The following FAT3 variants were observed in gnomAD, a reference collection of about 807,000 sequenced individuals.
FAT3 encodes protocadherin Fat 3.
Under a neutral mutation model 310.2 loss-of-function variants are expected in FAT3, and 95 were observed. The ratio of observed to expected loss-of-function variants is 0.31; its 90% CI spans 0.26 to 0.36. FAT3 has a LOEUF of 0.36. Among genes scored for constraint, FAT3 ranks in the 10% least tolerant of loss-of-function variants. The pLI is 1.00. For synonymous variants in FAT3, 2,314 were observed against 2,192.9 expected (o/e 1.06, Z -1.54); for missense variants, 5,408 against 5,715.6 (o/e 0.95, Z 1.74).
intron 1 of FAT3, among the ~76,000 whole-genome samples, chr11:92,263,918 T>A (rs180683825): frequency 6.6e-6 from 1 of 152,068 alleles, no homozygotes; most frequent in Admixed American, 6.6e-5. Context: ...GAACAACTAC[T>A]GGGTTCCAGG....
At chr11:92,301,884 A>G (rs1565211708) in intron 1 of FAT3, among the ~76,000 whole-genome samples, 1 of 152,034 alleles carries the variant, frequency 6.6e-6, no homozygotes, top group African/African-American at 2.4e-5. Flanking sequence ...CCTCTTTCCA[A>G]AGGGCTTTGA....
intron 3 of FAT3, among the ~76,000 whole-genome samples, chr11:92,690,088 T>G (rs1943755809): frequency 6.6e-6 from 1 of 152,204 alleles, no homozygotes. Flanking sequence ...CTTGTTCCCT[T>G]TGCTACCTGT....
intron 2 of FAT3, among the ~76,000 whole-genome samples, chr11:92,425,524 C>T (rs1252174094): frequency 6.6e-6 from 1 of 152,016 alleles, no homozygotes; most frequent in African/African-American, 2.4e-5. Flanking sequence ...TTTCCTAATG[C>T]TATCCCTCCC....
chr11:92,546,000 C>T (rs966894914), intron 3 of FAT3, among the ~76,000 whole-genome samples: 1 of 152,188 alleles, frequency 6.6e-6, no homozygotes, highest in Admixed American at 6.5e-5. Context: ...TCTTTCTCTA[C>T]TCCTCTCTCC....
At chr11:92,872,528 C>G (rs1949414235) in intron 22 of FAT3, among the ~76,000 whole-genome samples, 1 of 152,160 alleles carries the variant, frequency 6.6e-6, no homozygotes, top group Non-Finnish European at 1.5e-5. Context: ...CTGACTTACT[C>G]TTATATTTTT....
rs1431826744 is a variant in FAT3, at chr11:92,844,288, G to A, written c.10921G>A (p.Val3641Met). The A allele has an allele frequency of 6.2e-7, 1 of 1,613,996 alleles. No homozygotes were observed. Among genetic ancestry groups the A allele is most frequent in the South Asian group, 1.1e-5 (1 of 91,084 alleles). Reference protein sequence around the residue: ...IDVVVHVEQLVHEMLQNTVTI... With the variant: ...IDVVVHVEQLMHEMLQNTVTI... ...TGTGGTCGTGCATGTGGAGCAGTTGGTGCATGAGATGCTGCAGAACACTGT... is the reference window on the plus strand; with the variant it reads ...TGTGGTCGTGCATGTGGAGCAGTTGATGCATGAGATGCTGCAGAACACTGT... The change falls in exon 19 of 28, where the codon GTG (valine) becomes ATG (methionine). Residue 3641 changes from valine (V) to methionine (M), a missense_variant. Val to Met is a conservative substitution (Grantham distance 21, BLOSUM62 1). Coordinates refer to ENST00000525166, the MANE Select transcript of FAT3 (RefSeq NM_001367949.2).
intron 2 of FAT3, among the ~76,000 whole-genome samples, chr11:92,454,815 A>G (rs1428352754): frequency 3.9e-5 from 6 of 152,156 alleles, no homozygotes; most frequent in Non-Finnish European, 8.8e-5. Flanking sequence ...GGTAATAGAT[A>G]ATGAAAGTAA....
chr11:92,570,262 C>G (rs1955626172), intron 3 of FAT3, among the ~76,000 whole-genome samples: 1 of 152,178 alleles, frequency 6.6e-6, no homozygotes, highest in Non-Finnish European at 1.5e-5. Flanking sequence ...TGTATCTCTC[C>G]TCTAGACTGT....
At chr11:92,245,829 G>A (rs1864881240) in intron 1 of FAT3, among the ~76,000 whole-genome samples, 1 of 152,170 alleles carries the variant, frequency 6.6e-6, no homozygotes, top group Non-Finnish European at 1.5e-5. Flanking sequence ...AAAGATGATA[G>A]TTGAGGATAG....
intron 3 of FAT3, among the ~76,000 whole-genome samples, chr11:92,609,094 C>T (rs375535313): frequency 7.9e-5 from 12 of 152,316 alleles, no homozygotes; most frequent in East Asian, 5.8e-4. Context: ...GATTATTATA[C>T]TCTTGAGCAT....
At chr11:92,319,868 A>T (rs999456915) in intron 1 of FAT3, among the ~76,000 whole-genome samples, 4 of 152,228 alleles carry the variant, frequency 2.6e-5, no homozygotes, top group Non-Finnish European at 5.9e-5. Flanking sequence ...CAGTGAAAAC[A>T]TGTTAATAGT....
chr11:92,485,839 T>C (rs574126525), intron 2 of FAT3, among the ~76,000 whole-genome samples: 3 of 152,314 alleles, frequency 2.0e-5, no homozygotes, highest in South Asian at 4.1e-4. Context: ...AATGATTTGA[T>C]GACAGGACTT....
chr11:92,531,259 G>A (rs544534295), intron 3 of FAT3, among the ~76,000 whole-genome samples: 1 of 152,240 alleles, frequency 6.6e-6, no homozygotes, highest in South Asian at 2.1e-4. Flanking sequence ...TTATCACGGG[G>A]GTTATTTAAA....
At chr11:92,324,080 C>G (rs1947702991) in intron 1 of FAT3, among the ~76,000 whole-genome samples, 1 of 152,164 alleles carries the variant, frequency 6.6e-6, no homozygotes, top group African/African-American at 2.4e-5. Context: ...TAGGGCCTTG[C>G]TCTGGATTAG....
rs1221592956 is a variant in FAT3, at chr11:92,844,026, C to T, written c.10659C>T (p.Pro3553=). The T allele has an allele frequency of 1.9e-6, 3 of 1,613,980 alleles. No individual in the cohort carries two copies. The highest frequency in any genetic ancestry group is 1.7e-5 in the Admixed American group (1 of 60,024). ...GCACCCACAAGCCCACAGCCATTCCCCTGGAAATTTTCATTGTCACCATGG... is the reference window on the plus strand; with the variant it reads ...GCACCCACAAGCCCACAGCCATTCCTCTGGAAATTTTCATTGTCACCATGG... The part of the protein sequence containing the change: ...EESTHKPTAI[P]LEIFIVTMED... The change falls in exon 19 of 28, where the codon CCC becomes CCT. Residue 3553 remains proline, a synonymous_variant. Coordinates refer to ENST00000525166, the MANE Select transcript of FAT3 (RefSeq NM_001367949.2).
intron 18 of FAT3, 71 bp downstream of exon 18, chr11:92,840,830 A>AT: frequency 2.9e-6 from 4 of 1,384,762 alleles, no homozygotes; most frequent in East Asian, 2.4e-5. Context: ...CCTTTGGTGG[A>AT]TTTTTTTCTT....
At chr11:92,553,475 T>G (rs1029232121) in intron 3 of FAT3, among the ~76,000 whole-genome samples, 2 of 152,204 alleles carry the variant, frequency 1.3e-5, no homozygotes, top group Admixed American at 6.5e-5. Context: ...TAGTGTGTTC[T>G]GACATTGGGT....
intron 2 of FAT3, among the ~76,000 whole-genome samples, chr11:92,355,868 G>T (rs2134650445): frequency 6.6e-6 from 1 of 152,220 alleles, no homozygotes; most frequent in African/African-American, 2.4e-5. Flanking sequence ...TTAGTTGCTT[G>T]GTCTTTTATC....
chr11:92,679,518 A>G (rs970470718), intron 3 of FAT3, among the ~76,000 whole-genome samples: 1 of 151,950 alleles, frequency 6.6e-6, no homozygotes, highest in African/African-American at 2.4e-5. Flanking sequence ...ATAATATCTT[A>G]CTGTGGTTTA....
Sources: allele counts gnomAD v4.1 joint callset (sites outside exome capture counted in the v4.1 genomes callset), GRCh38; gene constraint gnomAD v4.1.1; transcripts MANE v1.5; gene names NCBI Gene and HGNC (gene_info 2026-07-23, HGNC 2026-07-21).